SMAD6: variants seen among roughly 807,000 people sequenced by gnomAD.
SMAD6 encodes SMAD family member 6.
In SMAD6, 103 loss-of-function variants were observed where a neutral mutation model predicts 39.4. The observed-to-expected ratio is 2.62, with a 90% CI of 2.23 to 3.08. The LOEUF is 3.08. SMAD6 is among the 30% of genes most tolerant of loss of function. The probability of loss-of-function intolerance (pLI) is 0.00; values close to 1 mark genes in which losing one functional copy is unlikely to be tolerated. For synonymous variants in SMAD6, 445 were observed against 353.3 expected (o/e 1.26, Z -2.91); for missense variants, 1,104 against 742.9 (o/e 1.49, Z -5.65).
intron 3 of SMAD6, among the ~76,000 whole-genome samples, chr15:66,724,360 C>T (rs890773559): frequency 6.6e-6 from 1 of 151,990 alleles, no homozygotes; most frequent in Admixed American, 6.6e-5. Context: ...CAGAGAGAGC[C>T]CTTAAAGACA....
In SMAD6 at chr15:66,777,465, A is replaced by C. The variant is rs114723262; in HGVS notation, c.953-3532A>C. Among the ~76,000 whole-genome samples the C allele has an allele frequency of 3.7e-3, 568 of 152,348 alleles. 5 individuals are homozygous for C. The highest frequency in any genetic ancestry group is 0.011 in the African/African-American group (474 of 41,574). On this transcript the variant is annotated intron_variant, in intron 3 of 3. Transcript: ENST00000288840. The stretch of plus-strand genomic sequence containing the variant: ...AGTTTAAGCCCAGCCTGGGCAACAA[A>C]GCAAGACCTCATCTCTACAAAAAAG...
At position 66,703,621 on chromosome 15, in the gene SMAD6, C is replaced by T. The variant is rs1259610693; in HGVS notation, c.363C>T (p.Cys121=). Residue 121 remains cysteine (C), a synonymous_variant, in exon 1 of 4, where the codon TGC becomes TGT. Coordinates refer to ENST00000288840, the MANE Select transcript of SMAD6 (RefSeq NM_005585.5). ...CGGGCTGGCTGCCCGAGAGTGACTGCGAGACGGTGACCTGCTGTCTCTTTT... is the reference window on the plus strand; with the variant it reads ...CGGGCTGGCTGCCCGAGAGTGACTGTGAGACGGTGACCTGCTGTCTCTTTT... ...GGPGWLPESD[C]ETVTCCLFSE... The T allele has an allele frequency of 8.1e-7, 1 of 1,230,806 alleles. No homozygotes were observed. The allele number at this position is 1,230,806 out of a possible 1,614,324, so 76.2% of individuals were successfully genotyped here. A position where few individuals can be genotyped will look rare whatever the true frequency, so the allele number is the denominator to read the frequency against.
At chr15:66,742,261 C>T (rs1318515898) in intron 3 of SMAD6, among the ~76,000 whole-genome samples, 1 of 152,186 alleles carries the variant, frequency 6.6e-6, no homozygotes, top group East Asian at 1.9e-4. Flanking sequence ...GTCAGCATCC[C>T]CTCACCGCCC....
intron 3 of SMAD6, among the ~76,000 whole-genome samples, chr15:66,777,298 C>G (rs1030672321): frequency 7.2e-5 from 11 of 151,758 alleles, no homozygotes; most frequent in African/African-American, 2.7e-4. Flanking sequence ...AGCCCAGCAG[C>G]CTACCTGCTG....
Position 66,750,730 on chromosome 15 carries a change from G to A in SMAD6, c.953-30267G>A, listed in dbSNP as rs572309483. ...AAGCCAGCTACTTCTGTGGGCAGTCGGAGCCGAATCCCGCTGGGAACTTAG... is the reference window on the plus strand; with the variant it reads ...AAGCCAGCTACTTCTGTGGGCAGTCAGAGCCGAATCCCGCTGGGAACTTAG... On this transcript the variant is annotated intron_variant, in intron 3 of 3. Transcript: ENST00000288840. Among the ~76,000 whole-genome samples, 20 of 152,232 alleles carry A rather than the reference G, an allele frequency of 1.3e-4. No homozygotes were observed. In the South Asian group the frequency reaches 1.7e-3, roughly 13 times the overall value.
intron 3 of SMAD6, among the ~76,000 whole-genome samples, chr15:66,754,488 T>C (rs974916749): frequency 1.3e-5 from 2 of 152,212 alleles, no homozygotes; most frequent in African/African-American, 2.4e-5. Flanking sequence ...GCTCAGTGAA[T>C]GCGTGTGCCC....
At chr15:66,739,018 G>A (rs753154514) in intron 3 of SMAD6, among the ~76,000 whole-genome samples, 47 of 151,910 alleles carry the variant, frequency 3.1e-4, no homozygotes, top group Non-Finnish European at 5.9e-4. Context: ...ACCAGTGAAT[G>A]TTTAGCATTA....
At chr15:66,715,837 TG>T (rs1278574918) in intron 2 of SMAD6, among the ~76,000 whole-genome samples, 1 of 149,170 alleles carries the variant, frequency 6.7e-6, no homozygotes, top group Non-Finnish European at 1.5e-5. Flanking sequence ...TGAGCAGGTT[TG>T]GATGTTAGGG....
chr15:66,775,710 CTCGGTCATCTTTGA>C (rs1260518964), intron 3 of SMAD6, among the ~76,000 whole-genome samples: 1 of 152,176 alleles, frequency 6.6e-6, no homozygotes, highest in Non-Finnish European at 1.5e-5. Context: ...TCGGTCAGAG[CTCGGTCATCTTTGA>C]TGTTGTTCAC....
rs1402571775 is a variant in SMAD6 at position 66,702,966 on chromosome 15, C to CG, written c.-292dup. 1 of 288,150 alleles carries CG rather than the reference C, an allele frequency of 3.5e-6. No homozygotes were observed. The highest frequency in any genetic ancestry group is 2.2e-5 in the African/African-American group (1 of 45,840). 17.8% of individuals were successfully genotyped at this position (288,150 alleles called of 1,614,324 possible). ...CGCGCCGCCTGCAGCCCCCCTAAAG[C>CG]GCGGGGGCTGGAGTTGTTGAGCAGC... On this transcript the variant is annotated 5_prime_UTR_variant, in exon 1 of 4. The change abolishes the stop of an existing upstream ORF in the 5' untranslated region. Transcript: ENST00000288840.
intron 3 of SMAD6, among the ~76,000 whole-genome samples, chr15:66,721,410 T>A (rs971935098): frequency 1.7e-4 from 26 of 152,184 alleles, no homozygotes; most frequent in African/African-American, 1.2e-4. Flanking sequence ...AACAACACCC[T>A]CATCTAACAG....
At chr15:66,739,128 T>TC (rs1251619314) in intron 3 of SMAD6, among the ~76,000 whole-genome samples, 1 of 148,474 alleles carries the variant, frequency 6.7e-6, no homozygotes, top group East Asian at 2.0e-4. Flanking sequence ...TCTTGCCCTG[T>TC]CACCCAGGCT....
chr15:66,772,235 C>A (rs1894391593), intron 3 of SMAD6, among the ~76,000 whole-genome samples: 1 of 152,236 alleles, frequency 6.6e-6, no homozygotes, highest in African/African-American at 2.4e-5. Flanking sequence ...AAGCTCAAAT[C>A]CCAATTCTGC....
At chr15:66,738,388 C>T (rs969079700) in intron 3 of SMAD6, among the ~76,000 whole-genome samples, 6 of 152,196 alleles carry the variant, frequency 3.9e-5, no homozygotes, top group African/African-American at 1.4e-4. Flanking sequence ...GTGCCACTCT[C>T]ATACACGAAT....
chr15:66,763,583 T>G (rs1049863728), intron 3 of SMAD6, among the ~76,000 whole-genome samples: 5 of 152,184 alleles, frequency 3.3e-5, no homozygotes, highest in Non-Finnish European at 1.5e-5. Flanking sequence ...CGCGATGGCT[T>G]CACAGCCTCG....
Position 66,703,552 on chromosome 15 carries a change from CG to C in SMAD6, c.296del (p.Gly99AlafsTer26). ...CGAGGCCCATGTCGGAGCCAGGGGC[CG>C]GCGCTGGGAGCTCCCTGCTGGACGT... ...PPRPMSEPGA[G>X]AGSSLLDVAE... On this transcript the variant is annotated frameshift_variant, in exon 1 of 4. Coordinates refer to ENST00000288840, the MANE Select transcript of SMAD6 (RefSeq NM_005585.5). LOFTEE classifies it high-confidence loss of function. The C allele has an allele frequency of 8.2e-7, 1 of 1,221,882 alleles. No homozygotes were observed. Among genetic ancestry groups the C allele is most frequent in the Non-Finnish European group, 1.0e-6 (1 of 979,110 alleles). 75.7% of individuals were successfully genotyped at this position (1,221,882 alleles called of 1,614,324 possible). A position where few individuals can be genotyped will look rare whatever the true frequency, so the allele number is the denominator to read the frequency against.
At chr15:66,777,439 G>A (rs1894485798) in intron 3 of SMAD6, among the ~76,000 whole-genome samples, 1 of 152,192 alleles carries the variant, frequency 6.6e-6, no homozygotes, top group African/African-American at 2.4e-5. Flanking sequence ...TTGAGCCCAG[G>A]AGTTTAAGCC....
chr15:66,733,285 C>T (rs1332371529), intron 3 of SMAD6, among the ~76,000 whole-genome samples: 1 of 152,096 alleles, frequency 6.6e-6, no homozygotes. Flanking sequence ...TAGGCATTTG[C>T]ATATGTATAT....
intron 3 of SMAD6, among the ~76,000 whole-genome samples, chr15:66,765,126 G>T (rs572354813): frequency 6.6e-6 from 1 of 152,266 alleles, no homozygotes; most frequent in Non-Finnish European, 1.5e-5. Flanking sequence ...CCTCACCCCT[G>T]TTATCCCCAC....
Sources: gnomAD v4.1 joint callset for allele counts (sites outside exome capture counted in the v4.1 genomes callset) on GRCh38, gnomAD v4.1.1 for gene constraint, MANE v1.5 for transcripts, NCBI Gene and HGNC (gene_info 2026-07-23, HGNC 2026-07-21) for gene names.